The following CNTN6 variants were observed in gnomAD, a reference collection of about 807,000 sequenced individuals.
CNTN6 encodes the protein contactin-6.
A neutral mutation model predicts 122.8 loss-of-function variants in CNTN6; 137 were observed. The observed-to-expected ratio is 1.12, with a 90% CI of 0.97 to 1.29. The LOEUF is 1.29. Among genes scored for constraint, CNTN6 ranks in the 50% most tolerant of loss-of-function variants. The pLI is 0.00. For synonymous variants in CNTN6, 570 were observed against 426.0 expected (o/e 1.34, Z -4.16); for missense variants, 1,634 against 1,223.4 (o/e 1.34, Z -5.01).
chr3:1,359,437 A>G (rs1442291326), intron 12 of CNTN6, among the ~76,000 whole-genome samples: 1 of 151,938 alleles, frequency 6.6e-6, no homozygotes. Flanking sequence ...CTGGTTTTTC[A>G]CTTGTTTCTT....
intron 2 of CNTN6, 37 bp from the exon 3 acceptor site, chr3:1,220,650 C>CT (rs761311594): frequency 6.2e-5 from 97 of 1,558,232 alleles, no homozygotes; most frequent in Middle Eastern, 1.7e-4. Flanking sequence ...AACAGGGCCA[C>CT]TTTTTTTTCA....
At chr3:1,318,872 C>G (rs1007665594) in intron 7 of CNTN6, among the ~76,000 whole-genome samples, 15 of 151,692 alleles carry the variant, frequency 9.9e-5, no homozygotes, top group African/African-American at 3.6e-4. Context: ...ATAACATGTA[C>G]TGGCTCTTAA....
At chr3:1,117,228 A>G (rs1228928944) in intron 1 of CNTN6, among the ~76,000 whole-genome samples, 1 of 152,170 alleles carries the variant, frequency 6.6e-6, no homozygotes, top group Non-Finnish European at 1.5e-5. Context: ...AATTGCTTAA[A>G]ATTAGAAAAA....
chr3:1,249,996 C>A (rs182142797), intron 4 of CNTN6, among the ~76,000 whole-genome samples: 1 of 152,136 alleles, frequency 6.6e-6, no homozygotes, highest in East Asian at 1.9e-4. Context: ...ATTTAGAAAG[C>A]AATCCTATTG....
rs531433215 is a variant in CNTN6, at chr3:1,161,021, G to T, written c.55+12958G>T. Among the ~76,000 whole-genome samples, 9 of 151,368 alleles carry T rather than the reference G, an allele frequency of 5.9e-5. No homozygotes were observed. In the South Asian group the frequency reaches 1.9e-3, roughly 32 times the overall value. ...GAGGTTGTTCATATCTATTGTATTT[G>T]TATGGTGGAAATATCATATCATGGA... On this transcript the variant is annotated intron_variant, in intron 2 of 22. Transcript: ENST00000446702.
chr3:1,358,048 G>A (rs1304984948), intron 12 of CNTN6, among the ~76,000 whole-genome samples: 1 of 151,604 alleles, frequency 6.6e-6, no homozygotes, highest in African/African-American at 2.4e-5. Context: ...CCTAGAAGCA[G>A]CTACTGTAAT....
intron 11 of CNTN6, among the ~76,000 whole-genome samples, chr3:1,335,338 C>A (rs575717231): frequency 1.9e-4 from 29 of 152,262 alleles, no homozygotes; most frequent in African/African-American, 7.0e-4. Context: ...CAAGGAACAA[C>A]CACGGAAAAT....
At chr3:1,301,268 C>G (rs966316178) in intron 7 of CNTN6, among the ~76,000 whole-genome samples, 4 of 152,014 alleles carry the variant, frequency 2.6e-5, no homozygotes, top group African/African-American at 7.2e-5. Flanking sequence ...AACTCCTGAC[C>G]TCCTGCTCCA....
rs962982708 is a variant in CNTN6, at chr3:1,400,819, A to C, written c.2705-614A>C. 3.3e-5 allele frequency among the ~76,000 whole-genome samples: 5 copies of C among 152,236 alleles called. No homozygotes were observed. The East Asian group carries it at 9.7e-4, about 29-fold the overall frequency. Reference sequence around the variant, plus strand: ...CAAAGAGGTACTCTCTGGCAAGATGAGTATACAGCAGACCCTGCTTCAATA... The same window carrying C: ...CAAAGAGGTACTCTCTGGCAAGATGCGTATACAGCAGACCCTGCTTCAATA... On this transcript the variant is annotated intron_variant, in intron 20 of 22. Transcript: ENST00000446702.
intron 4 of CNTN6, among the ~76,000 whole-genome samples, chr3:1,269,391 A>G (rs2094984437): frequency 6.6e-6 from 1 of 152,200 alleles, no homozygotes; most frequent in South Asian, 2.1e-4. Context: ...CCTTTCAGGA[A>G]CACCAAAGGC....
chr3:1,221,984 T>A (rs2094213468), intron 3 of CNTN6, among the ~76,000 whole-genome samples: 1 of 152,182 alleles, frequency 6.6e-6, no homozygotes, highest in Admixed American at 6.6e-5. Context: ...CCTAAAATTG[T>A]CTAGATTAAT....
In CNTN6 at chr3:1,384,772, C is replaced by CATATATATATATATATATAT. The variant is rs66929153; in HGVS notation, c.2518-833_2518-814dup. ...ACACATATATATACATATATATACA[C>CATATATATATATATATATAT]ATATATATATATATATATATATATA... On this transcript the variant is annotated intron_variant, in intron 19 of 22. Transcript: ENST00000446702. 4.1e-5 allele frequency among the ~76,000 whole-genome samples: 5 copies of CATATATATATATATATATAT among 120,922 alleles called. No homozygotes were observed. In the East Asian group the frequency reaches 9.1e-4, roughly 22 times the overall value. 79.3% of individuals were successfully genotyped at this position (120,922 alleles called of 152,430 possible).
At position 1,401,041 on chromosome 3, in the gene CNTN6, A is replaced by G. The variant is rs1017924940; in HGVS notation, c.2705-392A>G. Among the ~76,000 whole-genome samples the G allele has an allele frequency of 6.7e-4, 102 of 152,270 alleles. 1 individual carries two copies. The highest frequency in any genetic ancestry group is 2.4e-3 in the African/African-American group (98 of 41,570). On this transcript the variant is annotated intron_variant, in intron 20 of 22. Transcript: ENST00000446702. ...TAAAGAATTTTAGGAATGAACATCTATGTGTTGATATATATAAAATGTTTG... is the reference window on the plus strand; with the variant it reads ...TAAAGAATTTTAGGAATGAACATCTGTGTGTTGATATATATAAAATGTTTG...
chr3:1,179,417 G>A (rs933245070), intron 2 of CNTN6, among the ~76,000 whole-genome samples: 6 of 152,078 alleles, frequency 3.9e-5, no homozygotes, highest in African/African-American at 4.8e-5. Flanking sequence ...TTTTCAGCCC[G>A]GGAGCGTGGT....
In CNTN6 at chr3:1,385,799, TAAGTATGCATACACTCCAGGAAAC is replaced by T; in HGVS notation, c.2704+6_2704+29del. The T allele has an allele frequency of 6.2e-7, 1 of 1,607,684 alleles. No homozygotes were observed. The highest frequency in any genetic ancestry group is 2.2e-5 in the East Asian group (1 of 44,632). ...TCAATGTTACCACCAAAAAGTCTCG[TAAGTATGCATACACTCCAGGAAAC>T]AAGATTCATCTGTGAAGAGCAACCT... On this transcript the variant is annotated splice_donor_5th_base_variant and intron_variant, in intron 20 of 22. Transcript: ENST00000446702.
At chr3:1,260,604 G>A (rs1337018690) in intron 4 of CNTN6, among the ~76,000 whole-genome samples, 1 of 152,004 alleles carries the variant, frequency 6.6e-6, no homozygotes, top group Non-Finnish European at 1.5e-5. Context: ...GTTTGGCTGT[G>A]TCCCTGCCCA....
chr3:1,168,499 C>T (rs1057194165), intron 2 of CNTN6, among the ~76,000 whole-genome samples: 4 of 151,110 alleles, frequency 2.6e-5, no homozygotes, highest in African/African-American at 9.8e-5. Flanking sequence ...TCATCACTGG[C>T]ATCAACTGTT....
At chr3:1,177,406 T>C (rs2093471349) in intron 2 of CNTN6, among the ~76,000 whole-genome samples, 1 of 152,216 alleles carries the variant, frequency 6.6e-6, no homozygotes, top group Non-Finnish European at 1.5e-5. Context: ...TGTGATACTC[T>C]GCAACTTCTT....
At chr3:1,371,547 A>G (rs765308648) in intron 12 of CNTN6, among the ~76,000 whole-genome samples, 4 of 152,158 alleles carry the variant, frequency 2.6e-5, no homozygotes, top group Non-Finnish European at 5.9e-5. Context: ...AACGATCTAC[A>G]TTGTGAGTCT....
Sources: allele counts gnomAD v4.1 joint callset (sites outside exome capture counted in the v4.1 genomes callset), GRCh38; gene constraint gnomAD v4.1.1; transcripts MANE v1.5; gene names NCBI Gene and HGNC (gene_info 2026-07-23, HGNC 2026-07-21).